Variants in ARG2 observed in about 807,000 individuals in gnomAD.
ARG2 encodes the protein arginase-2, mitochondrial.
In ARG2, 21 loss-of-function variants were observed where a neutral mutation model predicts 39.4. That is an observed-to-expected ratio of 0.53 (90% CI 0.38 to 0.77). ARG2 has a LOEUF of 0.77. ARG2 is among the 30% of genes least tolerant of loss of function. The pLI, the probability that ARG2 is intolerant of heterozygous loss-of-function variation, is 0.00. For missense variants in ARG2, 378 were observed against 426.2 expected (o/e 0.89, Z 1.00); for synonymous variants, 150 against 156.7 (o/e 0.96, Z 0.32).
intron 2 of ARG2, among the ~76,000 whole-genome samples, chr14:67,629,720 C>T (rs901637679): frequency 3.9e-5 from 6 of 152,092 alleles, no homozygotes; most frequent in South Asian, 2.1e-4. Context: ...TAGTTAATAA[C>T]GAATGCACTG....
chr14:67,620,827 A>G (rs954198346), intron 1 of ARG2, 67 bp from the exon 2 acceptor site: 9 of 1,542,716 alleles, frequency 5.8e-6, no homozygotes, highest in Non-Finnish European at 8.1e-6. Flanking sequence ...TGGGAACTAA[A>G]TGTACCAAAT....
chr14:67,635,608 C>G (rs918342494), intron 2 of ARG2, among the ~76,000 whole-genome samples: 1 of 152,216 alleles, frequency 6.6e-6, no homozygotes, highest in African/African-American at 2.4e-5. Context: ...ATTCCTAGCA[C>G]TTTGGGAGGC....
chr14:67,639,786 G>T (rs188041056), intron 2 of ARG2, among the ~76,000 whole-genome samples: 1 of 152,076 alleles, frequency 6.6e-6, no homozygotes, highest in Admixed American at 6.5e-5. Flanking sequence ...TTCACCAGAC[G>T]TGGTGGCGCA....
At chr14:67,634,406 A>C (rs1336732032) in intron 2 of ARG2, among the ~76,000 whole-genome samples, 1 of 149,948 alleles carries the variant, frequency 6.7e-6, no homozygotes, top group African/African-American at 2.5e-5. Context: ...CAGCCTGGGT[A>C]GCATGGCAAA....
chr14:67,646,457 CT>C (rs1045647121), intron 4 of ARG2, 186 bp from the exon 5 acceptor site: 11 of 568,806 alleles, frequency 1.9e-5, no homozygotes, highest in Non-Finnish European at 3.5e-5. Context: ...TGTTCCTCAG[CT>C]GCCCTTCTGA....
chr14:67,638,532 G>A (rs1441637702), intron 2 of ARG2, among the ~76,000 whole-genome samples: 1 of 152,146 alleles, frequency 6.6e-6, no homozygotes, highest in Non-Finnish European at 1.5e-5. Flanking sequence ...CTTCTTTGAC[G>A]CCCCTGATCC....
intron 2 of ARG2, among the ~76,000 whole-genome samples, chr14:67,622,693 G>A (rs1483626302): frequency 1.3e-5 from 2 of 152,190 alleles, no homozygotes; most frequent in African/African-American, 4.8e-5. Context: ...CACTGAAGAC[G>A]ACAATCTCTG....
Position 67,642,508 on chromosome 14 carries a change from A to T in ARG2, c.362+145A>T, listed in dbSNP as rs535627469. ...ATATTAAAATGAACAGCAAGCATTT[A>T]AATGTCTAAGATCCTGAGCTGCTCA... On this transcript the variant is annotated intron_variant, in intron 3 of 7. Coordinates refer to ENST00000261783, the MANE Select transcript of ARG2 (RefSeq NM_001172.4). 39 of 985,386 alleles carry T rather than the reference A, an allele frequency of 4.0e-5. No individual in the cohort carries two copies. In the South Asian group the frequency reaches 6.5e-4, roughly 16 times the overall value. The allele number at this position is 985,386 out of a possible 1,614,324, so 61.0% of individuals were successfully genotyped here.
chr14:67,648,706 G>T (rs1298850504), intron 7 of ARG2: 1 of 152,266 alleles, frequency 6.6e-6, no homozygotes, highest in African/African-American at 2.4e-5. Flanking sequence ...ATGGCTGATG[G>T]AAAGAGTACT....
chr14:67,628,606 TTAACA>T (rs1398423178), intron 2 of ARG2, among the ~76,000 whole-genome samples: 1 of 152,236 alleles, frequency 6.6e-6, no homozygotes, highest in East Asian at 1.9e-4. Flanking sequence ...TTTTTGATAC[TTAACA>T]TTTACCATCT....
Position 67,651,060 on chromosome 14 carries a change from T to TC in ARG2, c.*144dup, listed in dbSNP as rs1424692921. 24 of 1,086,500 alleles carry TC rather than the reference T, an allele frequency of 2.2e-5. No homozygotes were observed. In the African/African-American group the frequency reaches 3.8e-4, roughly 17 times the overall value. 67.3% of individuals were successfully genotyped at this position (1,086,500 alleles called of 1,614,324 possible). A position where few individuals can be genotyped will look rare whatever the true frequency, so the allele number is the denominator to read the frequency against. The stretch of plus-strand genomic sequence containing the variant: ...TACACATTCTCACAATTGTAAAGTT[T>TC]CCCCTCTATTTTGGTGACCAATACT... On this transcript the variant is annotated 3_prime_UTR_variant, in exon 8 of 8. Coordinates refer to ENST00000261783, the MANE Select transcript of ARG2 (RefSeq NM_001172.4).
Position 67,651,425 on chromosome 14 carries a change from A to C in ARG2, c.*505A>C. The C allele has an allele frequency of 6.2e-7, 1 of 1,614,050 alleles. No homozygotes were observed. The highest frequency in any genetic ancestry group is 8.5e-7 in the Non-Finnish European group (1 of 1,179,886). On this transcript the variant is annotated 3_prime_UTR_variant, in exon 8 of 8. Transcript: ENST00000261783. ...GAATTTGTAGTAAACCAGGCCTCCC[A>C]GGATGGCGAGCTCCAGTAAGATGAT...
Position 67,651,473 on chromosome 14 carries a change from G to A in ARG2, c.*553G>A. 6.2e-7 allele frequency: 1 copy of A among 1,613,768 alleles called. No homozygotes were observed. Among genetic ancestry groups the A allele is most frequent in the Non-Finnish European group, 8.5e-7 (1 of 1,179,718 alleles). On this transcript the variant is annotated 3_prime_UTR_variant, in exon 8 of 8. Transcript: ENST00000261783. ...GATAATGGAAAGCAGCAGCTTGTTG[G>A]TTGTCACTCTACAAAGAGAAGCAAA...
At position 67,632,808 on chromosome 14, in the gene ARG2, ATTTTTTTTTTTTTTTTT is replaced by A. The variant is rs55642854; in HGVS notation, c.185-9364_185-9348del. 4.3e-3 allele frequency among the ~76,000 whole-genome samples: 267 copies of A among 62,442 alleles called. 2 individuals are homozygous for A. Among genetic ancestry groups the A allele is most frequent in the Admixed American group, 0.018 (66 of 3,574 alleles). The allele number at this position is 62,442 out of a possible 152,430, so 41.0% of individuals were successfully genotyped here. A position where few individuals can be genotyped will look rare whatever the true frequency, so the allele number is the denominator to read the frequency against. On this transcript the variant is annotated intron_variant, in intron 2 of 7. Coordinates refer to ENST00000261783, the MANE Select transcript of ARG2 (RefSeq NM_001172.4). Reference sequence around the variant, plus strand: ...TCAACAGGGAGAATTAAGCCTCTTAATTTTTTTTTTTTTTTTTTTTTTTTTTTTTTGAGGCAGAGTCT... The same window carrying A: ...TCAACAGGGAGAATTAAGCCTCTTAATTTTTTTTTTTTTGAGGCAGAGTCT...
chr14:67,621,073 T>C, intron 2 of ARG2, 107 bp downstream of exon 2: 1 of 1,052,674 alleles, frequency 9.5e-7, no homozygotes. Flanking sequence ...GGGAACAGTC[T>C]GCCACATCCC....
intron 2 of ARG2, among the ~76,000 whole-genome samples, chr14:67,641,657 T>C (rs1245850934): frequency 6.6e-6 from 1 of 152,226 alleles, no homozygotes; most frequent in Non-Finnish European, 1.5e-5. Flanking sequence ...TGTGAATTTC[T>C]TGGCCAGGCA....
chr14:67,627,163 A>G (rs759100571), intron 2 of ARG2, among the ~76,000 whole-genome samples: 2 of 151,896 alleles, frequency 1.3e-5, no homozygotes, highest in Non-Finnish European at 2.9e-5. Flanking sequence ...TATATTAGAA[A>G]GCACTGAATT....
At chr14:67,645,610 G>A (rs892906641) in intron 3 of ARG2, 33 bp from the exon 4 acceptor site, 32 of 1,599,816 alleles carry the variant, frequency 2.0e-5, no homozygotes, top group African/African-American at 2.7e-5. Context: ...TTGCCAAGCA[G>A]AGGGCCTTCA....
chr14:67,639,712 G>A (rs2037009674), intron 2 of ARG2, among the ~76,000 whole-genome samples: 1 of 152,094 alleles, frequency 6.6e-6, no homozygotes, highest in African/African-American at 2.4e-5. Context: ...CTTGCGGTCA[G>A]GAGTTCGAGA....
Sources: allele counts gnomAD v4.1 joint callset (sites outside exome capture counted in the v4.1 genomes callset), GRCh38; gene constraint gnomAD v4.1.1; transcripts MANE v1.5; gene names NCBI Gene and HGNC (gene_info 2026-07-23, HGNC 2026-07-21).